TRPM4: variants seen among roughly 807,000 people sequenced by gnomAD.
The protein encoded by TRPM4 is transient receptor potential cation channel subfamily M member 4.
Under a neutral mutation model 135.6 loss-of-function variants are expected in TRPM4, and 124 were observed. The observed-to-expected ratio is 0.91, with a 90% CI of 0.79 to 1.06. TRPM4 has a LOEUF of 1.06. TRPM4 is among the 50% of genes least tolerant of loss of function. TRPM4 has a pLI of 0.00. For synonymous variants in TRPM4, 745 were observed against 705.6 expected, an observed-to-expected ratio of 1.06 and a Z score of -0.88; for missense variants, 1,658 against 1,671.4, an observed-to-expected ratio of 0.99 and a Z score of 0.14.
intron 16 of TRPM4, among the ~76,000 whole-genome samples, chr19:49,194,699 TCCTC>T (rs1459418057): frequency 7.2e-6 from 1 of 138,236 alleles, no homozygotes; most frequent in Non-Finnish European, 1.6e-5. Flanking sequence ...CTTCCTTCCT[TCCTC>T]CCTCTCTTTT....
intron 14 of TRPM4, 59 bp from the exon 15 acceptor site, chr19:49,190,149 C>A: frequency 7.0e-7 from 1 of 1,423,800 alleles, no homozygotes; most frequent in Non-Finnish European, 9.9e-7. Context: ...CCTTGCTGGG[C>A]GTCTTAGGGA....
At chr19:49,184,875 AAGC>A (rs1465656856) in intron 12 of TRPM4, among the ~76,000 whole-genome samples, 2 of 151,970 alleles carry the variant, frequency 1.3e-5, no homozygotes, top group African/African-American at 4.8e-5. Flanking sequence ...GCAGAAAAAA[AAGC>A]AGCCACTTCA....
In TRPM4 at chr19:49,162,617, G is replaced by T. The variant is rs558287406; in HGVS notation, c.93-3424G>T. 2.0e-5 allele frequency among the ~76,000 whole-genome samples: 3 copies of T among 150,690 alleles called. No individual in the cohort carries two copies. The South Asian group carries it at 6.4e-4, about 32-fold the overall frequency. On this transcript the variant is annotated intron_variant, in intron 2 of 24. Transcript: ENST00000252826. ...TGGCTCCACCGAGGAAAGAGTGTAG[G>T]AGGCAAGCTGTGCAGAAGGAATGGC...
intron 2 of TRPM4, among the ~76,000 whole-genome samples, chr19:49,162,561 C>G (rs550687125): frequency 6.7e-6 from 1 of 148,948 alleles, no homozygotes; most frequent in Admixed American, 6.7e-5. Context: ...AACAAACAAA[C>G]AAACAAAAAA....
chr19:49,187,557 C>T (rs1042749065), intron 12 of TRPM4, among the ~76,000 whole-genome samples: 2 of 152,096 alleles, frequency 1.3e-5, no homozygotes, highest in African/African-American at 4.8e-5. Context: ...ACCATGTTGC[C>T]TGGCTGGTCT....
At chr19:49,182,056 T>TCA (rs1967950704) in intron 10 of TRPM4, among the ~76,000 whole-genome samples, 6 of 77,354 alleles carry the variant, frequency 7.8e-5, no homozygotes, top group African/African-American at 3.4e-4. Context: ...ATCCATCCAT[T>TCA]TATCCATCCA....
chr19:49,164,020 A>T lies in TRPM4; in HGVS notation c.93-2021A>T, dbSNP rs77392021. On this transcript the variant is annotated intron_variant, in intron 2 of 24. Transcript: ENST00000252826. ...GTTTGGTTCATCCCATGTGTGGATC[A>T]GTTAGCCGTTCTTTTAGTGTCTTTA... Among the ~76,000 whole-genome samples, 438 of 152,192 alleles carry T rather than the reference A, an allele frequency of 2.9e-3. 1 individual carries two copies. The highest frequency in any genetic ancestry group is 0.01 in the African/African-American group (421 of 41,526).
At chr19:49,206,163 A>T (rs1440285757) in intron 20 of TRPM4, among the ~76,000 whole-genome samples, 2 of 151,526 alleles carry the variant, frequency 1.3e-5, no homozygotes, top group East Asian at 4.0e-4. Context: ...GGGTTTCACC[A>T]TGTTGGCCAG....
intron 6 of TRPM4, among the ~76,000 whole-genome samples, chr19:49,170,945 C>T (rs984522630): frequency 6.6e-6 from 1 of 151,852 alleles, no homozygotes; most frequent in South Asian, 2.1e-4. Flanking sequence ...TAGCTGGGCA[C>T]GGTGGTGTGT....
chr19:49,210,112 G>C lies in TRPM4; in HGVS notation c.3132-97G>C, dbSNP rs958831693. ...TTAGTGATCTTGACTTCTGTCTGCT[G>C]CTATAGACTGAACAATTATTGCCTG... On this transcript the variant is annotated intron_variant, in intron 20 of 24. Transcript: ENST00000252826. The surrounding 1 kb of genome is among the most constrained non-coding windows in gnomAD (Gnocchi z 4.1). 1.6e-6 allele frequency: 2 copies of C among 1,250,802 alleles called. No homozygotes were observed. The highest frequency in any genetic ancestry group is 1.7e-5 in the Admixed American group (1 of 59,280). The allele number at this position is 1,250,802 out of a possible 1,614,324, so 77.5% of individuals were successfully genotyped here. A position where few individuals can be genotyped will look rare whatever the true frequency, so the allele number is the denominator to read the frequency against.
chr19:49,210,398 G>A lies in TRPM4; in HGVS notation c.3321G>A (p.Glu1107=). The change falls in exon 21 of 25, where the codon GAG becomes GAA. Residue 1107 remains glutamate, a synonymous_variant. Coordinates refer to ENST00000252826, the MANE Select transcript of TRPM4 (RefSeq NM_017636.4). The surrounding 1 kb of genome is among the most constrained non-coding windows in gnomAD (Gnocchi z 4.1). The part of the protein sequence containing the change: ...RSPQPSSPAL[E]HFRVYLSKEA... ...CCCAGCCGTCCTCCCCGGCCCTCGA[G>A]CATTTCCGTAAGAACAGAGCTTGGC... 6.2e-7 allele frequency: 1 copy of A among 1,613,476 alleles called. No individual in the cohort carries two copies. The highest frequency in any genetic ancestry group is 1.7e-4 in the Middle Eastern group (1 of 6,058).
chr19:49,175,093 G>C (rs1269224953), intron 9 of TRPM4, among the ~76,000 whole-genome samples: 1 of 20,058 alleles, frequency 5.0e-5, no homozygotes, highest in African/African-American at 3.7e-4. Context: ...TTTTTTTTTT[G>C]AGACGGAGTT....
intron 9 of TRPM4, among the ~76,000 whole-genome samples, chr19:49,176,036 G>C (rs1184104503): frequency 6.6e-6 from 1 of 150,844 alleles, no homozygotes; most frequent in African/African-American, 2.4e-5. Flanking sequence ...CGATTCTCCT[G>C]CCTCAGCCTC....
In TRPM4 at chr19:49,210,654, A is replaced by T; in HGVS notation, c.3329-56A>T. ...GTGTTCTGAGGGTGTCGGAAGGGGC[A>T]GCTGGGATTGGGAAGGGGCGTGGCC... is the stretch of plus-strand genomic sequence containing the variant. On this transcript the variant is annotated intron_variant, in intron 21 of 24. Transcript: ENST00000252826. The surrounding 1 kb of genome is among the most constrained non-coding windows in gnomAD (Gnocchi z 4.1). The T allele has an allele frequency of 6.2e-7, 1 of 1,613,318 alleles. No individual in the cohort carries two copies. The highest frequency in any genetic ancestry group is 8.5e-7 in the Non-Finnish European group (1 of 1,179,752).
Position 49,168,093 on chromosome 19 carries a change from C to A in TRPM4, c.444C>A (p.Ser148Arg). 1 of 1,602,886 alleles carries A rather than the reference C, an allele frequency of 6.2e-7. No homozygotes were observed. Reference sequence around the variant, plus strand: ...GTGGGCTGGTGCGGGCTGCCCAGAGCACAGGTGACCGAGGGTGGGTGGGGG... The same window carrying A: ...GTGGGCTGGTGCGGGCTGCCCAGAGAACAGGTGACCGAGGGTGGGTGGGGG... The part of the protein sequence containing the change: ...LRRGLVRAAQ[S>R]TGAWIVTGGL... The change falls in exon 4 of 25, where the codon AGC becomes AGA. Residue 148 changes from serine to arginine, a missense_variant. Physicochemically the swap from Ser to Arg is moderately radical, Grantham distance 110. Coordinates refer to ENST00000252826, the MANE Select transcript of TRPM4 (RefSeq NM_017636.4).
rs532803032 is a variant in TRPM4, at chr19:49,183,472, C to G, written c.1743+260C>G. Among the ~76,000 whole-genome samples the G allele has an allele frequency of 2.6e-5, 4 of 152,296 alleles. No homozygotes were observed. In the East Asian group the frequency reaches 7.7e-4, roughly 29 times the overall value. ...AGTGCAGTGGCGCAATCTTGGCTTA[C>G]TGCACCCTCAGTCTCCCGGGTTCAA... On this transcript the variant is annotated intron_variant, in intron 12 of 24. Transcript: ENST00000252826.
intron 12 of TRPM4, among the ~76,000 whole-genome samples, chr19:49,188,120 T>C (rs2122978797): frequency 6.6e-6 from 1 of 152,316 alleles, no homozygotes; most frequent in Non-Finnish European, 1.5e-5. Flanking sequence ...GATGGGGGTC[T>C]TTGGGGAAAG....
In TRPM4 at chr19:49,168,280, G is replaced by A; in HGVS notation, c.469G>A (p.Gly157Ser). 1 of 1,614,134 alleles carries A rather than the reference G, an allele frequency of 6.2e-7. No individual in the cohort carries two copies. Among genetic ancestry groups the A allele is most frequent in the Non-Finnish European group, 8.5e-7 (1 of 1,180,036 alleles). The change falls in exon 5 of 25, where the codon GGT (glycine) becomes AGT (serine). Residue 157 changes from glycine to serine, a missense_variant. By Grantham distance (56) the Gly-to-Ser change is moderately conservative. This residue lies in a region of TRPM4 where 239 missense variants were observed against 240.1 expected (regional missense o/e 1.00). Transcript: ENST00000252826. ...TGTAGGAGCCTGGATTGTCACTGGG[G>A]GTCTGCACACGGGCATCGGCCGGCA... ...QSTGAWIVTG[G>S]LHTGIGRHVG...
At chr19:49,185,597 G>A (rs572623961) in intron 12 of TRPM4, among the ~76,000 whole-genome samples, 3 of 151,870 alleles carry the variant, frequency 2.0e-5, no homozygotes, top group East Asian at 3.9e-4. Flanking sequence ...TTCTTTGCAT[G>A]CCTCATAATT....
Sources: gnomAD v4.1 joint callset for allele counts (sites outside exome capture counted in the v4.1 genomes callset) on GRCh38, gnomAD v4.1.1 for gene constraint, gnomAD v4.1.1 regional missense constraint, Gnocchi (gnomAD v3.1) non-coding constraint, MANE v1.5 for transcripts, NCBI Gene and HGNC (gene_info 2026-07-23, HGNC 2026-07-21) for gene names.